ABCC6: variants seen among roughly 807,000 people sequenced by gnomAD.
ABCC6 encodes the protein ATP binding cassette subfamily C member 6, also known as ATP-binding cassette sub-family C member 6.
ABCC6 carries 126 observed loss-of-function variants against 169.5 expected under a neutral mutation model. The ratio of observed to expected loss-of-function variants is 0.74; its 90% CI spans 0.64 to 0.86. The LOEUF is 0.86. Among genes scored for constraint, ABCC6 ranks in the 40% least tolerant of loss-of-function variants. The probability of loss-of-function intolerance (pLI) is 0.00; values close to 1 mark genes in which losing one functional copy is unlikely to be tolerated. For synonymous variants in ABCC6, 752 were observed against 814.7 expected (o/e 0.92, Z 1.31); for missense variants, 1,733 against 1,927.2 (o/e 0.90, Z 1.89).
intron 13 of ABCC6, 37 bp from the exon 14 acceptor site, chr16:16,187,248 G>A (rs1299820169): frequency 6.3e-7 from 1 of 1,576,084 alleles, no homozygotes; most frequent in Non-Finnish European, 8.7e-7. Context: ...CCAGCAAGAA[G>A]AGCAAAGAAC....
chr16:16,178,719 TA>T, intron 18 of ABCC6, 78 bp downstream of exon 18: 1 of 1,548,956 alleles, frequency 6.5e-7, no homozygotes, highest in Non-Finnish European at 8.9e-7. Context: ...GGAGGTGAGA[TA>T]AACTTGGGTT....
At chr16:16,169,007 G>A (rs1044670338) in intron 22 of ABCC6, among the ~76,000 whole-genome samples, 2 of 152,264 alleles carry the variant, frequency 1.3e-5, no homozygotes, top group East Asian at 1.9e-4. Context: ...CTTGAACCTC[G>A]GAGATGGGGG....
intron 21 of ABCC6, among the ~76,000 whole-genome samples, chr16:16,172,615 TG>T (rs2047153542): frequency 6.6e-6 from 1 of 151,818 alleles, no homozygotes; most frequent in Admixed American, 6.6e-5. Flanking sequence ...GGTAAGTAGG[TG>T]GGTGGAGATA....
chr16:16,182,237 G>A (rs2152258279), intron 17 of ABCC6, among the ~76,000 whole-genome samples, 175 bp downstream of exon 17: 1 of 152,242 alleles, frequency 6.6e-6, no homozygotes, highest in Admixed American at 6.5e-5. Flanking sequence ...TTATCAATTA[G>A]TGATTACGTA....
At chr16:16,155,127 A>G in intron 27 of ABCC6, 96 bp from the exon 28 acceptor site, 1 of 1,419,276 alleles carries the variant, frequency 7.0e-7, no homozygotes, top group Non-Finnish European at 9.5e-7. Context: ...CTGTCTATCC[A>G]TCCCTCATTG....
chr16:16,159,624 A>G, intron 25 of ABCC6, 41 bp from the exon 26 acceptor site: 3 of 1,586,512 alleles, frequency 1.9e-6, no homozygotes, highest in Non-Finnish European at 2.6e-6. Context: ...TGGCAAGGCC[A>G]CTTGAGGGCT....
At chr16:16,196,801 A>C (rs542671616) in intron 10 of ABCC6, among the ~76,000 whole-genome samples, 1 of 152,190 alleles carries the variant, frequency 6.6e-6, no homozygotes, top group Non-Finnish European at 1.5e-5. Context: ...TCCAAGGCTC[A>C]AGCGATTCTC....
chr16:16,194,149 C>T (rs181907515), intron 10 of ABCC6, among the ~76,000 whole-genome samples: 15 of 152,334 alleles, frequency 9.8e-5, no homozygotes, highest in African/African-American at 3.4e-4. Flanking sequence ...TGAGTGTGGC[C>T]TTGGGGCAAG....
chr16:16,171,821 T>C (rs538163443), intron 21 of ABCC6, among the ~76,000 whole-genome samples: 8 of 142,886 alleles, frequency 5.6e-5, no homozygotes, highest in Admixed American at 1.4e-4. Context: ...GTGGGTGGGA[T>C]GGATGGATAA....
chr16:16,167,784 T>G (rs577847810), intron 22 of ABCC6, among the ~76,000 whole-genome samples: 2 of 152,272 alleles, frequency 1.3e-5, no homozygotes, highest in East Asian at 3.9e-4. Flanking sequence ...CTGAATTTTT[T>G]ATTCTTTGTA....
intron 20 of ABCC6, among the ~76,000 whole-genome samples, chr16:16,175,264 G>A (rs1470711746): frequency 6.6e-6 from 1 of 152,130 alleles, no homozygotes; most frequent in Admixed American, 6.5e-5. Flanking sequence ...CCTCAAGATC[G>A]CTGCCGCCCA....
rs1270085507 is a variant in ABCC6, at chr16:16,203,585, T to C, written c.823A>G (p.Lys275Glu). The stretch of plus-strand genomic sequence containing the variant: ...GGAGCCTTCATGCCACTGCCGCCTT[T>C]CCTTTTAAATGCTATTGCCTTGTTG... ...RHNKAIAFKR[K>E]GGSGMKAPET... The change falls in exon 8 of 31, where the codon AAA becomes GAA. Residue 275 changes from lysine to glutamate, a missense_variant. Physicochemically the swap from Lys to Glu is moderately conservative, Grantham distance 56. Around this residue, in one of 5 missense-constraint regions of ABCC6, gnomAD observed 1,601 missense variants for 1,635.5 expected, o/e 0.98. Coordinates refer to ENST00000205557, the MANE Select transcript of ABCC6 (RefSeq NM_001171.6). 6.2e-7 allele frequency: 1 copy of C among 1,614,028 alleles called. No individual in the cohort carries two copies. The highest frequency in any genetic ancestry group is 2.2e-5 in the East Asian group (1 of 44,890).
chr16:16,173,511 T>G (rs1031314455), intron 20 of ABCC6, 107 bp from the exon 21 acceptor site: 45 of 1,336,074 alleles, frequency 3.4e-5, no homozygotes, highest in Non-Finnish European at 4.2e-5. Context: ...GGGTACACTC[T>G]GTACTCTTTC....
chr16:16,215,438 GGTGT>G (rs56229208), intron 4 of ABCC6, among the ~76,000 whole-genome samples: 6,061 of 136,754 alleles, frequency 0.044, 205 homozygotes, highest in East Asian at 0.18. Flanking sequence ...TTTAATTTTA[GGTGT>G]GTGTGTGTGT....
At chr16:16,166,667 G>A (rs2046884724) in intron 22 of ABCC6, among the ~76,000 whole-genome samples, 1 of 151,942 alleles carries the variant, frequency 6.6e-6, no homozygotes, top group South Asian at 2.1e-4. Flanking sequence ...ATCACCTGAG[G>A]TCAGGAGTTC....
chr16:16,187,245 G>A, intron 13 of ABCC6, 34 bp from the exon 14 acceptor site: 5 of 1,574,448 alleles, frequency 3.2e-6, no homozygotes, highest in South Asian at 1.1e-5. Flanking sequence ...CACCCAGCAA[G>A]AAGAGCAAAG....
intron 11 of ABCC6, among the ~76,000 whole-genome samples, chr16:16,192,032 C>T (rs1013031064): frequency 1.1e-4 from 17 of 152,106 alleles, no homozygotes; most frequent in Admixed American, 5.2e-4. Flanking sequence ...AAAAACAATC[C>T]CAGGGCAGGC....
chr16:16,150,003 C>A lies in ABCC6; in HGVS notation c.*130G>T. The A allele has an allele frequency of 7.2e-7, 1 of 1,396,360 alleles. No individual in the cohort carries two copies. The highest frequency in any genetic ancestry group is 9.9e-7 in the Non-Finnish European group (1 of 1,009,408). 86.5% of individuals were successfully genotyped at this position (1,396,360 alleles called of 1,614,324 possible). A position where few individuals can be genotyped will look rare whatever the true frequency, so the allele number is the denominator to read the frequency against. On this transcript the variant is annotated 3_prime_UTR_variant, in exon 31 of 31. Transcript: ENST00000205557. ...AATTGGCCACTTTCTCTGCCATTTT[C>A]CTCCCAGAGAGCAAACACAGGTCTA... is the stretch of plus-strand genomic sequence containing the variant.
At chr16:16,220,195 A>C (rs1326910765) in intron 2 of ABCC6, 1 of 449,184 alleles carries the variant, frequency 2.2e-6, no homozygotes, top group Non-Finnish European at 4.1e-6. Context: ...GTTTTCCAAA[A>C]TGCAGGAAGT....
Sources: gnomAD v4.1 joint callset for allele counts (sites outside exome capture counted in the v4.1 genomes callset) on GRCh38, gnomAD v4.1.1 for gene constraint, gnomAD v4.1.1 regional missense constraint, MANE v1.5 for transcripts, NCBI Gene and HGNC (gene_info 2026-07-23, HGNC 2026-07-21) for gene names.